Variants in SCYL3 observed in about 807,000 individuals in gnomAD.
SCYL3 encodes the protein SCY1 like pseudokinase 3.
In SCYL3, 35 loss-of-function variants were observed where a neutral mutation model predicts 73.8. The observed-to-expected ratio is 0.47, with a 90% CI of 0.36 to 0.63. SCYL3 has a LOEUF of 0.63. Ranked by LOEUF, SCYL3 falls within the 20% of genes least tolerant of loss-of-function variation. The pLI, the probability that SCYL3 is intolerant of heterozygous loss-of-function variation, is 0.00. For synonymous variants in SCYL3, 277 were observed against 295.2 expected (o/e 0.94, Z 0.63); for missense variants, 712 against 798.9 (o/e 0.89, Z 1.31).
rs779851675 is a variant in SCYL3, at chr1:169,852,992, T to TA, written c.*720dup. On this transcript the variant is annotated 3_prime_UTR_variant, in exon 13 of 13. Coordinates refer to ENST00000367771, the MANE Select transcript of SCYL3 (RefSeq NM_020423.7). ...TACATACATACTCTAGGGTGAAACT[T>TA]ATCACTAGGCAGAACTGGGTTTGAT... 1.9e-6 allele frequency: 3 copies of TA among 1,609,654 alleles called. No homozygotes were observed. The highest frequency in any genetic ancestry group is 8.5e-7 in the Non-Finnish European group (1 of 1,179,536).
At chr1:169,856,630 TC>T (rs1231229528) in intron 11 of SCYL3, among the ~76,000 whole-genome samples, 1 of 152,110 alleles carries the variant, frequency 6.6e-6, no homozygotes, top group African/African-American at 2.4e-5. Context: ...CTACAAGCCC[TC>T]CACTCATTTG....
rs760652436 is a variant in SCYL3, at chr1:169,852,865, G to C, written c.*848C>G. On this transcript the variant is annotated 3_prime_UTR_variant, in exon 13 of 13. Coordinates refer to ENST00000367771, the MANE Select transcript of SCYL3 (RefSeq NM_020423.7). Reference sequence around the variant, plus strand: ...GTCAGCGCTGCATACAATAGCAGGGGCTTTGGAAGCAACTGAGTCACTACT... The same window carrying C: ...GTCAGCGCTGCATACAATAGCAGGGCCTTTGGAAGCAACTGAGTCACTACT... 4 of 1,614,128 alleles carry C rather than the reference G, an allele frequency of 2.5e-6. No individual in the cohort carries two copies. The South Asian group carries it at 3.3e-5, about 13-fold the overall frequency.
chr1:169,864,628 A>T, intron 8 of SCYL3, 120 bp from the exon 9 acceptor site: 1 of 1,057,648 alleles, frequency 9.5e-7, no homozygotes, highest in Non-Finnish European at 1.3e-6. Context: ...TTTGAAATGG[A>T]GATAGAGAAG....
Position 169,850,368 on chromosome 1 carries a change from G to A in SCYL3, c.*3345C>T. 1.3e-6 allele frequency: 2 copies of A among 1,485,920 alleles called. No individual in the cohort carries two copies. The highest frequency in any genetic ancestry group is 1.9e-6 in the Non-Finnish European group (2 of 1,080,012). The allele number at this position is 1,485,920 out of a possible 1,614,324, so 92.0% of individuals were successfully genotyped here. A position where few individuals can be genotyped will look rare whatever the true frequency, so the allele number is the denominator to read the frequency against. On this transcript the variant is annotated 3_prime_UTR_variant, in exon 13 of 13. Transcript: ENST00000367771. The stretch of plus-strand genomic sequence containing the variant: ...AAGGTACTTTCTTTACATGGCTCAT[G>A]TTTTATTCTTTGTCCTATTTTTTTT...
At chr1:169,855,685 A>G (rs145045245) in intron 11 of SCYL3, 2 of 986,170 alleles carry the variant, frequency 2.0e-6, no homozygotes, top group African/African-American at 1.6e-5. Context: ...AGCTGACTAC[A>G]TAATTACAAA....
At chr1:169,873,103 T>C (rs1354457531) in intron 5 of SCYL3, among the ~76,000 whole-genome samples, 2 of 152,106 alleles carry the variant, frequency 1.3e-5, no homozygotes, top group African/African-American at 4.8e-5. Context: ...GTGACTCTCA[T>C]CTTGGATTGT....
In SCYL3 at chr1:169,854,313, A is replaced by C. The variant is rs760141791; in HGVS notation, c.1964T>G (p.Val655Gly). The C allele has an allele frequency of 1.9e-6, 3 of 1,611,826 alleles. No homozygotes were observed. The South Asian group carries it at 3.3e-5, about 18-fold the overall frequency. The change falls in exon 12 of 13, where the codon GTG becomes GGG. Residue 655 changes from valine to glycine, a missense_variant. This residue lies in a region of SCYL3 where 370 missense variants were observed against 350.8 expected (regional missense o/e 1.05). Coordinates refer to ENST00000367771, the MANE Select transcript of SCYL3 (RefSeq NM_020423.7). ...AGCAAATTTTGAGGAAAACTGCATC[A>C]CTGGGGAGACATCATCCTTTTTTGG... ...MVPKKDDVSP[V>G]MQFSSKFAAA...
Position 169,852,777 on chromosome 1 carries a change from G to A in SCYL3, c.*936C>T, listed in dbSNP as rs1658566690. 6.2e-7 allele frequency: 1 copy of A among 1,611,272 alleles called. No homozygotes were observed. The highest frequency in any genetic ancestry group is 1.7e-5 in the Admixed American group (1 of 59,780). Reference sequence around the variant, plus strand: ...GAATGGATATTGTGATATTACTTATGTTTTTTTTCCAGCCTTATGCAAAAA... The same window carrying A: ...GAATGGATATTGTGATATTACTTATATTTTTTTTCCAGCCTTATGCAAAAA... On this transcript the variant is annotated 3_prime_UTR_variant, in exon 13 of 13. Transcript: ENST00000367771.
At chr1:169,869,491 G>T (rs1480497169) in intron 6 of SCYL3, among the ~76,000 whole-genome samples, 1 of 152,180 alleles carries the variant, frequency 6.6e-6, no homozygotes, top group East Asian at 1.9e-4. Flanking sequence ...TGGGCCTTAG[G>T]ATTTAATTCT....
At position 169,878,745 on chromosome 1, in the gene SCYL3, A is replaced by G. The variant is rs990225945; in HGVS notation, c.240T>C (p.Leu80=). 16 of 1,614,104 alleles carry G rather than the reference A, an allele frequency of 9.9e-6. No homozygotes were observed. The highest frequency in any genetic ancestry group is 1.3e-5 in the Non-Finnish European group (15 of 1,180,050). ...CCAGGGGCTGTACTCGCTCAGTGAC[A>G]AGATGAATGCCATCCGCTTCCACAG... The part of the protein sequence containing the change: ...SCTVEADGIH[L]VTERVQPLEV... The change falls in exon 3 of 13, where the codon CTT becomes CTC. Residue 80 remains leucine (L), a synonymous_variant. Coordinates refer to ENST00000367771, the MANE Select transcript of SCYL3 (RefSeq NM_020423.7).
rs755252002 is a variant in SCYL3 at position 169,852,052 on chromosome 1, A to T, written c.*1661T>A. 32 of 1,399,174 alleles carry T rather than the reference A, an allele frequency of 2.3e-5. No homozygotes were observed. The highest frequency in any genetic ancestry group is 3.2e-5 in the Non-Finnish European group (32 of 1,003,822). The allele number at this position is 1,399,174 out of a possible 1,614,324, so 86.7% of individuals were successfully genotyped here. On this transcript the variant is annotated 3_prime_UTR_variant, in exon 13 of 13. Transcript: ENST00000367771. ...CCTTATGCTGAATTTCAAATCAAAT[A>T]GATCTAGACATGTAAAATTCTGTTT...
At chr1:169,863,710 G>A (rs972314590) in intron 9 of SCYL3, among the ~76,000 whole-genome samples, 2 of 152,200 alleles carry the variant, frequency 1.3e-5, no homozygotes, top group African/African-American at 4.8e-5. Context: ...TAGGATGTAA[G>A]AGCTATAAAG....
chr1:169,854,884 A>C lies in SCYL3; in HGVS notation c.1393T>G (p.Phe465Val). Residue 465 changes from phenylalanine to valine, a missense_variant, in exon 12 of 13, where the codon TTC becomes GTC. Physicochemically the swap from Phe to Val is conservative, Grantham distance 50. Coordinates refer to ENST00000367771, the MANE Select transcript of SCYL3 (RefSeq NM_020423.7). ...VKNTSEDSEN[F>V]PSSSKKSEEW... ...TCAGACTTTTTAGAACTTGATGGGA[A>C]GTTTTCACTGTCCTCCGAAGTATTT... 6.2e-7 allele frequency: 1 copy of C among 1,613,972 alleles called. No individual in the cohort carries two copies. The highest frequency in any genetic ancestry group is 8.5e-7 in the Non-Finnish European group (1 of 1,179,876).
At chr1:169,863,881 C>T (rs1659839437) in intron 9 of SCYL3, among the ~76,000 whole-genome samples, 1 of 152,160 alleles carries the variant, frequency 6.6e-6, no homozygotes, top group East Asian at 1.9e-4. Flanking sequence ...ACTATATTCT[C>T]TCATCTGTTG....
chr1:169,857,767 C>T (rs1271043377), intron 11 of SCYL3, among the ~76,000 whole-genome samples: 3 of 152,042 alleles, frequency 2.0e-5, no homozygotes, highest in African/African-American at 7.3e-5. Flanking sequence ...ACAATGGGGA[C>T]ATGTTCTGAG....
chr1:169,891,053 T>C (rs1425144425), intron 1 of SCYL3, among the ~76,000 whole-genome samples: 1 of 152,178 alleles, frequency 6.6e-6, no homozygotes, highest in East Asian at 1.9e-4. Context: ...AATTCACAAA[T>C]TAGCCATCAA....
chr1:169,865,000 A>AG (rs5778634), intron 8 of SCYL3, among the ~76,000 whole-genome samples: 150,506 of 150,506 alleles, frequency 1, 75,253 homozygotes, highest in Non-Finnish European at 1. Context: ...AGAAAGTGTG[A>AG]GCAAAGCCAG....
rs1239553170 is a variant in SCYL3, at chr1:169,850,918, A to G, written c.*2795T>C. The G allele has an allele frequency of 8.4e-6, 1 of 119,562 alleles. No individual in the cohort carries two copies. The highest frequency in any genetic ancestry group is 1.7e-5 in the Non-Finnish European group (1 of 58,506). The allele number at this position is 119,562 out of a possible 1,614,324, so 7.4% of individuals were successfully genotyped here. On this transcript the variant is annotated 3_prime_UTR_variant, in exon 13 of 13. Coordinates refer to ENST00000367771, the MANE Select transcript of SCYL3 (RefSeq NM_020423.7). ...TAATCATAATTAAATACACTTGATCACATAATTAGGTAGGCCTGAGAGGAT... is the reference window on the plus strand; with the variant it reads ...TAATCATAATTAAATACACTTGATCGCATAATTAGGTAGGCCTGAGAGGAT...
intron 8 of SCYL3, 44 bp from the exon 9 acceptor site, chr1:169,864,552 G>GT (rs1167355431): frequency 1.3e-6 from 2 of 1,539,808 alleles, no homozygotes; most frequent in Non-Finnish European, 1.7e-6. Flanking sequence ...TCATGACACT[G>GT]TATCAGCTTA....
Sources: allele counts gnomAD v4.1 joint callset (sites outside exome capture counted in the v4.1 genomes callset), GRCh38; gene constraint gnomAD v4.1.1; regional missense constraint gnomAD v4.1.1; transcripts MANE v1.5; gene names NCBI Gene and HGNC (gene_info 2026-07-23, HGNC 2026-07-21).